The following ADGRV1 variants were observed in gnomAD, a reference collection of about 807,000 sequenced individuals.
ADGRV1 encodes G-protein coupled receptor 98.
Under a neutral mutation model 596.2 loss-of-function variants are expected in ADGRV1, and 359 were observed. That is an observed-to-expected ratio of 0.60 (90% CI 0.55 to 0.66). ADGRV1 has a LOEUF of 0.66. Among genes scored for constraint, ADGRV1 ranks in the 30% least tolerant of loss-of-function variants. ADGRV1 has a pLI of 0.00. For missense variants in ADGRV1, 7,274 were observed against 7,575.6 expected, an observed-to-expected ratio of 0.96 and a Z score of 1.48; for synonymous variants, 2,681 against 2,679.2, an observed-to-expected ratio of 1.00 and a Z score of -0.02.
At chr5:90,774,963 GTAGT>G (rs1031827957) in intron 60 of ADGRV1, among the ~76,000 whole-genome samples, 1 of 152,122 alleles carries the variant, frequency 6.6e-6, no homozygotes, top group Non-Finnish European at 1.5e-5. Context: ...TCATCTGAAA[GTAGT>G]TACTCAAATA....
intron 87 of ADGRV1, among the ~76,000 whole-genome samples, chr5:91,127,042 A>G (rs1793821487): frequency 6.6e-6 from 1 of 152,188 alleles, no homozygotes; most frequent in African/African-American, 2.4e-5. Flanking sequence ...AGGTCACCTG[A>G]TTGCACTTCC....
intron 83 of ADGRV1, among the ~76,000 whole-genome samples, chr5:90,899,673 T>C (rs766971128): frequency 1.4e-4 from 21 of 152,210 alleles, no homozygotes; most frequent in Non-Finnish European, 2.5e-4. Context: ...CTCTAATTTT[T>C]ATCCTTCAGA....
chr5:90,725,748 G>A, intron 48 of ADGRV1, 92 bp downstream of exon 48: 1 of 760,046 alleles, frequency 1.3e-6, no homozygotes, highest in Non-Finnish European at 2.2e-6. Context: ...TGCTGGTTTA[G>A]TATAAAAGAA....
chr5:90,665,223 G>C (rs1041745788), intron 21 of ADGRV1, among the ~76,000 whole-genome samples: 15 of 152,018 alleles, frequency 9.9e-5, no homozygotes, highest in African/African-American at 3.1e-4. Flanking sequence ...GTAGAATTCG[G>C]CTGTGAATCC....
intron 87 of ADGRV1, among the ~76,000 whole-genome samples, chr5:91,105,270 G>T (rs1791755803): frequency 6.6e-6 from 1 of 151,992 alleles, no homozygotes; most frequent in Admixed American, 6.6e-5. Flanking sequence ...CCACATCTTG[G>T]CTATTGCAAA....
At chr5:90,820,264 G>T (rs1763347631) in intron 75 of ADGRV1, among the ~76,000 whole-genome samples, 1 of 145,124 alleles carries the variant, frequency 6.9e-6, no homozygotes. Context: ...TTTTCCATTT[G>T]CTTGGTAGAT....
chr5:90,652,739 A>T (rs932650395), intron 19 of ADGRV1, among the ~76,000 whole-genome samples, 176 bp downstream of exon 19: 2 of 152,170 alleles, frequency 1.3e-5, no homozygotes, highest in Non-Finnish European at 2.9e-5. Context: ...TATTCTTAAC[A>T]TTCACTTTTT....
chr5:90,669,605 A>G (rs530033203), intron 21 of ADGRV1, among the ~76,000 whole-genome samples: 4 of 152,370 alleles, frequency 2.6e-5, no homozygotes, highest in Middle Eastern at 3.4e-3. Flanking sequence ...GAAGGATTGC[A>G]GCTTGTGTGT....
At chr5:91,094,183 G>T (rs991884912) in intron 86 of ADGRV1, among the ~76,000 whole-genome samples, 1 of 151,976 alleles carries the variant, frequency 6.6e-6, no homozygotes, top group Non-Finnish European at 1.5e-5. Context: ...CTCTGGGCCG[G>T]GCACAGTGGC....
At chr5:90,926,142 C>T (rs1394069951) in intron 83 of ADGRV1, among the ~76,000 whole-genome samples, 1 of 149,074 alleles carries the variant, frequency 6.7e-6, no homozygotes, top group Non-Finnish European at 1.5e-5. Context: ...TGATGCTGGC[C>T]TCATAAAATG....
At chr5:91,024,996 C>T (rs189390991) in intron 85 of ADGRV1, among the ~76,000 whole-genome samples, 3 of 152,092 alleles carry the variant, frequency 2.0e-5, no homozygotes, top group African/African-American at 7.2e-5. Context: ...TGGTTATAAA[C>T]GGCAGCTTTT....
At position 90,853,527 on chromosome 5, in the gene ADGRV1, A is replaced by T; in HGVS notation, c.17448A>T (p.Lys5816Asn). ...GTGGAAACAATCTTCCTACCCTAAA[A>T]AATAAGGTAATCTTTCATTCAAAAC... is the stretch of plus-strand genomic sequence containing the variant. Reference protein sequence around the residue: ...FISGNNLPTLKNKVLSLSVKG... With the variant: ...FISGNNLPTLNNKVLSLSVKG... The change falls in exon 80 of 90, where the codon AAA becomes AAT. Residue 5816 changes from lysine (K) to asparagine (N), a missense_variant. Physicochemically the swap from Lys to Asn is moderately conservative, Grantham distance 94. Around this residue, in one of 5 missense-constraint regions of ADGRV1, gnomAD observed 1,874 missense variants for 1,970.2 expected, o/e 0.95. Transcript: ENST00000405460. 1.2e-6 allele frequency: 2 copies of T among 1,608,970 alleles called. No individual in the cohort carries two copies. Among genetic ancestry groups the T allele is most frequent in the Non-Finnish European group, 1.7e-6 (2 of 1,176,724 alleles).
intron 85 of ADGRV1, among the ~76,000 whole-genome samples, chr5:90,987,303 C>T (rs1239692232): frequency 6.6e-6 from 1 of 151,908 alleles, no homozygotes; most frequent in Non-Finnish European, 1.5e-5. Context: ...AACCCCATCT[C>T]TAGTAAAAAT....
chr5:91,080,837 C>G (rs1355756038), intron 86 of ADGRV1, among the ~76,000 whole-genome samples: 1 of 151,976 alleles, frequency 6.6e-6, no homozygotes. Context: ...ATACTAAGTC[C>G]TCAATATGTG....
chr5:91,064,065 T>C (rs1787678275), intron 85 of ADGRV1, among the ~76,000 whole-genome samples: 1 of 152,210 alleles, frequency 6.6e-6, no homozygotes, highest in Non-Finnish European at 1.5e-5. Flanking sequence ...TGGATTATGA[T>C]TGAGCTGAGG....
rs1189117990 is a variant in ADGRV1, at chr5:90,695,481, T to TA, written c.7945+786dup. Among the ~76,000 whole-genome samples, 4 of 151,464 alleles carry TA rather than the reference T, an allele frequency of 2.6e-5. No homozygotes were observed. The East Asian group carries it at 7.7e-4, about 29-fold the overall frequency. ...GGCAGTTATATATTCCACAAAATTT[T>TA]AAAAAACATAGTGCTTTTCTGGTTG... On this transcript the variant is annotated intron_variant, in intron 33 of 89. Transcript: ENST00000405460.
intron 3 of ADGRV1, 35 bp from the exon 4 acceptor site, chr5:90,619,051 T>G: frequency 1.0e-6 from 1 of 986,942 alleles, no homozygotes; most frequent in Non-Finnish European, 1.4e-6. Context: ...ATTTTATTTT[T>G]AATTCATTAT....
intron 21 of ADGRV1, among the ~76,000 whole-genome samples, chr5:90,672,017 A>ACT (rs1772544016): frequency 6.6e-6 from 1 of 152,098 alleles, no homozygotes; most frequent in South Asian, 2.1e-4. Context: ...CCCATTTGGC[A>ACT]CTTCATGCCA....
intron 77 of ADGRV1, among the ~76,000 whole-genome samples, chr5:90,835,057 T>C (rs966464562): frequency 1.3e-5 from 2 of 152,138 alleles, no homozygotes; most frequent in African/African-American, 4.8e-5. Flanking sequence ...TGTTTTGCGA[T>C]GTCATGTTTT....
Sources: gnomAD v4.1 joint callset for allele counts (sites outside exome capture counted in the v4.1 genomes callset) on GRCh38, gnomAD v4.1.1 for gene constraint, gnomAD v4.1.1 regional missense constraint, MANE v1.5 for transcripts, NCBI Gene and HGNC (gene_info 2026-07-23, HGNC 2026-07-21) for gene names.